The following ACBD5 variants were observed in gnomAD, a reference collection of about 807,000 sequenced individuals.
ACBD5 encodes the protein acyl-CoA binding domain containing 5, also known as acyl-CoA-binding domain-containing protein 5.
In ACBD5, 40 loss-of-function variants were observed where a neutral mutation model predicts 71.8. The observed-to-expected ratio is 0.56, with a 90% CI of 0.43 to 0.72. The LOEUF (loss-of-function observed/expected upper bound fraction) is 0.72. ACBD5 is among the 30% of genes least tolerant of loss of function. The pLI is 0.00. For synonymous variants in ACBD5, 229 were observed against 218.6 expected, an observed-to-expected ratio of 1.05 and a Z score of -0.42; for missense variants, 559 against 644.5, an observed-to-expected ratio of 0.87 and a Z score of 1.44.
chr10:27,232,841 G>A (rs958461019), intron 3 of ACBD5, among the ~76,000 whole-genome samples: 8 of 151,826 alleles, frequency 5.3e-5, no homozygotes, highest in East Asian at 3.8e-4. Context: ...GTTTTTCCCC[G>A]AAGGAGTTTA....
intron 13 of ACBD5, among the ~76,000 whole-genome samples, chr10:27,183,778 C>T (rs1374782976): frequency 1.3e-5 from 2 of 151,826 alleles, no homozygotes; most frequent in Non-Finnish European, 2.9e-5. Flanking sequence ...AATGTAGTAG[C>T]ACAATCTCGG....
At chr10:27,207,427 G>A (rs1357769903) in intron 10 of ACBD5, among the ~76,000 whole-genome samples, 1 of 152,162 alleles carries the variant, frequency 6.6e-6, no homozygotes, top group East Asian at 1.9e-4. Flanking sequence ...AGGAAAGCCT[G>A]CTATCAGTTT....
rs532480724 is a variant in ACBD5 at position 27,210,721 on chromosome 10, G to A, written c.1204+93C>T. 5.9e-5 allele frequency: 91 copies of A among 1,552,822 alleles called. No homozygotes were observed. In the African/African-American group the frequency reaches 1.0e-3, roughly 18 times the overall value. Reference sequence around the variant, plus strand: ...TGCAGTGAGCCGAGATTGCACCACCGCACACCAGCCTGGGCGACAGAGCGC... The same window carrying A: ...TGCAGTGAGCCGAGATTGCACCACCACACACCAGCCTGGGCGACAGAGCGC... On this transcript the variant is annotated intron_variant, in intron 9 of 12. Coordinates refer to ENST00000396271, the MANE Select transcript of ACBD5 (RefSeq NM_145698.5).
chr10:27,224,745 CA>C lies in ACBD5; in HGVS notation c.376-1294del, dbSNP rs1305606793. Among the ~76,000 whole-genome samples, 5 of 152,226 alleles carry C rather than the reference CA, an allele frequency of 3.3e-5. No homozygotes were observed. The East Asian group carries it at 9.7e-4, about 29-fold the overall frequency. Reference sequence around the variant, plus strand: ...AATCACAGGATGTTTAATATGATAACAGGGGCCGGGCGTGGTGGCTCACGCC... The same window carrying C: ...AATCACAGGATGTTTAATATGATAACGGGGCCGGGCGTGGTGGCTCACGCC... On this transcript the variant is annotated intron_variant, in intron 4 of 12. Transcript: ENST00000396271.
At chr10:27,202,026 T>C (rs1310768946) in intron 12 of ACBD5, among the ~76,000 whole-genome samples, 5 of 152,092 alleles carry the variant, frequency 3.3e-5, no homozygotes, top group African/African-American at 1.2e-4. Flanking sequence ...CTATTATGAG[T>C]AGGGCACACC....
rs1222022604 is a variant in ACBD5 at position 27,187,765 on chromosome 10, A to C, written c.1494-5050T>G. ...AGACTCAGTCTCAAAAAAAAAAAAA[A>C]TACTACTGGAACAATTAGGTGTGAT... On this transcript the variant is annotated intron_variant, in intron 13 of 13. Coordinates refer to the ACBD5 transcript ENST00000676511. Among the ~76,000 whole-genome samples the C allele has an allele frequency of 7.3e-5, 11 of 151,246 alleles. No individual in the cohort carries two copies. The East Asian group carries it at 1.9e-3, about 27-fold the overall frequency.
At position 27,196,786 on chromosome 10, in the gene ACBD5, C is replaced by G; in HGVS notation, c.*644G>C. ...CCATCAGTGGGTTATGTCTAGCCTGCAAATCATTTGTAAAAACTCAGTCTG... is the reference window on the plus strand; with the variant it reads ...CCATCAGTGGGTTATGTCTAGCCTGGAAATCATTTGTAAAAACTCAGTCTG... On this transcript the variant is annotated 3_prime_UTR_variant, in exon 13 of 13. Transcript: ENST00000396271. 1 of 454,172 alleles carries G rather than the reference C, an allele frequency of 2.2e-6. No individual in the cohort carries two copies. Among genetic ancestry groups the G allele is most frequent in the Non-Finnish European group, 4.4e-6 (1 of 226,768 alleles). The allele number at this position is 454,172 out of a possible 1,614,324, so 28.1% of individuals were successfully genotyped here. A position where few individuals can be genotyped will look rare whatever the true frequency, so the allele number is the denominator to read the frequency against.
intron 3 of ACBD5, 101 bp downstream of exon 3, chr10:27,234,991 C>T: frequency 1.6e-6 from 2 of 1,227,824 alleles, no homozygotes; most frequent in Non-Finnish European, 2.3e-6. Context: ...ATACCTAGGA[C>T]ACTTTCTGCA....
chr10:27,219,344 A>G (rs978251935), intron 6 of ACBD5, among the ~76,000 whole-genome samples: 1 of 151,856 alleles, frequency 6.6e-6, no homozygotes, highest in Non-Finnish European at 1.5e-5. Flanking sequence ...CCTTTATCCT[A>G]TTCTCTGGAT....
intron 12 of ACBD5, among the ~76,000 whole-genome samples, chr10:27,202,448 G>A (rs2060020949): frequency 6.6e-6 from 1 of 152,208 alleles, no homozygotes; most frequent in Non-Finnish European, 1.5e-5. Context: ...TCTCCATTCA[G>A]AGACATCTGT....
At chr10:27,205,644 G>A (rs1339345951) in intron 10 of ACBD5, among the ~76,000 whole-genome samples, 12 of 150,516 alleles carry the variant, frequency 8.0e-5, no homozygotes, top group Admixed American at 7.3e-4. Flanking sequence ...CACTGCAACC[G>A]CTGCCTCACA....
rs1028847593 is a variant in ACBD5 at position 27,208,560 on chromosome 10, A to G, written c.1205-115T>C. ...AGATCTAAATCTCCAAAGTGTGGCC[A>G]GGAGCTGTGGCTCACACCTGTAATC... On this transcript the variant is annotated intron_variant, in intron 9 of 12. Coordinates refer to ENST00000396271, the MANE Select transcript of ACBD5 (RefSeq NM_145698.5). 3.9e-6 allele frequency: 5 copies of G among 1,281,870 alleles called. No individual in the cohort carries two copies. In the African/African-American group the frequency reaches 5.9e-5, roughly 15 times the overall value. 79.4% of individuals were successfully genotyped at this position (1,281,870 alleles called of 1,614,324 possible).
In ACBD5 at chr10:27,219,627, T is replaced by C; in HGVS notation, c.625+96A>G. 8 of 1,523,400 alleles carry C rather than the reference T, an allele frequency of 5.3e-6. 1 individual carries two copies. The South Asian group carries it at 9.0e-5, about 17-fold the overall frequency. 94.4% of individuals were successfully genotyped at this position (1,523,400 alleles called of 1,614,324 possible). ...GGTCAACAGCTTACATCCCACCACC[T>C]GCTTTAATCTTCTACAATACCAAAT... On this transcript the variant is annotated intron_variant, in intron 6 of 12. Transcript: ENST00000396271.
At chr10:27,224,143 A>G (rs2062710627) in intron 4 of ACBD5, among the ~76,000 whole-genome samples, 1 of 150,904 alleles carries the variant, frequency 6.6e-6, no homozygotes, top group Admixed American at 6.6e-5. Flanking sequence ...CAGGAGGAGG[A>G]TGGCTTGAGC....
Position 27,205,187 on chromosome 10 carries a change from A to G in ACBD5, c.1455+11T>C. 6.2e-7 allele frequency: 1 copy of G among 1,611,520 alleles called. No homozygotes were observed. Among genetic ancestry groups the G allele is most frequent in the Non-Finnish European group, 8.5e-7 (1 of 1,178,446 alleles). On this transcript the variant is annotated intron_variant, in intron 11 of 12. Transcript: ENST00000396271. ...AACCCTGGCATTTAAATTTTTTAAA[A>G]AATGTCTTACCTGTGAGGTGGGCTG...
At position 27,240,531 on chromosome 10, in the gene ACBD5, A is replaced by C. The variant is rs2138625238; in HGVS notation, c.16-47T>G. 3 of 1,559,036 alleles carry C rather than the reference A, an allele frequency of 1.9e-6. No homozygotes were observed. The highest frequency in any genetic ancestry group is 4.8e-5 in the East Asian group (2 of 41,558). On this transcript the variant is annotated intron_variant, in intron 1 of 12. Transcript: ENST00000396271. The surrounding 1 kb of genome is among the most constrained non-coding windows in gnomAD (Gnocchi z 4.1). ...CGGATCAACATGCCCCAAAAGGAGG[A>C]GGCCCGGGAGCGAAGCGGGTCAGTT...
intron 7 of ACBD5, among the ~76,000 whole-genome samples, chr10:27,216,383 C>T (rs956052471): frequency 1.4e-4 from 21 of 152,134 alleles, no homozygotes; most frequent in Non-Finnish European, 2.2e-4. Flanking sequence ...TCAGGTGATC[C>T]GCCTGCCTTA....
intron 7 of ACBD5, among the ~76,000 whole-genome samples, chr10:27,216,035 T>A (rs4749240): frequency 2.6e-5 from 4 of 151,652 alleles, no homozygotes; most frequent in Admixed American, 6.6e-5. Flanking sequence ...CCAACACACC[T>A]GGCTAATTTT....
chr10:27,223,314 TA>T, intron 5 of ACBD5, 23 bp downstream of exon 5: 2 of 1,538,844 alleles, frequency 1.3e-6, no homozygotes, highest in Non-Finnish European at 1.8e-6. Context: ...TTGATGAATT[TA>T]AAAATAGGTA....
Sources: gnomAD v4.1 joint callset for allele counts (sites outside exome capture counted in the v4.1 genomes callset) on GRCh38, gnomAD v4.1.1 for gene constraint, Gnocchi (gnomAD v3.1) non-coding constraint, MANE v1.5 for transcripts, NCBI Gene and HGNC (gene_info 2026-07-23, HGNC 2026-07-21) for gene names.